SPAG16: variants seen among roughly 807,000 people sequenced by gnomAD.
SPAG16 encodes sperm-associated antigen 16 protein.
In SPAG16, 86 loss-of-function variants were observed where a neutral mutation model predicts 80.4. The ratio of observed to expected loss-of-function variants is 1.07; its 90% CI spans 0.90 to 1.28. SPAG16 has a LOEUF of 1.28. SPAG16 is among the 50% of genes most tolerant of loss of function. The probability of loss-of-function intolerance (pLI) is 0.00; values close to 1 mark genes in which losing one functional copy is unlikely to be tolerated. For missense variants in SPAG16, 870 were observed against 765.3 expected, an observed-to-expected ratio of 1.14 and a Z score of -1.61; for synonymous variants, 294 against 265.9, an observed-to-expected ratio of 1.11 and a Z score of -1.03.
intron 10 of SPAG16, among the ~76,000 whole-genome samples, chr2:213,609,133 C>G (rs2061361450): frequency 6.6e-6 from 1 of 152,116 alleles, no homozygotes; most frequent in African/African-American, 2.4e-5. Context: ...GACTTCAAAA[C>G]AAAAATGAAG....
chr2:213,393,864 G>T (rs576586087), intron 9 of SPAG16, among the ~76,000 whole-genome samples: 4 of 152,086 alleles, frequency 2.6e-5, no homozygotes, highest in African/African-American at 9.6e-5. Context: ...AATTGAACGT[G>T]TTCTTTTTCA....
chr2:214,332,446 C>A (rs984815163), intron 15 of SPAG16, among the ~76,000 whole-genome samples: 1 of 152,172 alleles, frequency 6.6e-6, no homozygotes, highest in African/African-American at 2.4e-5. Context: ...TGTCAAACGG[C>A]TAAGTCAATC....
intron 6 of SPAG16, among the ~76,000 whole-genome samples, chr2:213,347,496 C>A (rs1267094958): frequency 6.6e-6 from 1 of 152,166 alleles, no homozygotes; most frequent in Non-Finnish European, 1.5e-5. Context: ...AATTTTAGAT[C>A]TTTCCTGCTT....
intron 12 of SPAG16, among the ~76,000 whole-genome samples, chr2:213,971,427 A>G (rs538932497): frequency 2.0e-5 from 3 of 152,270 alleles, no homozygotes; most frequent in East Asian, 3.9e-4. Context: ...CCATCTTTTG[A>G]TTATATAAAT....
intron 10 of SPAG16, among the ~76,000 whole-genome samples, chr2:213,525,115 A>G (rs982351972): frequency 6.6e-6 from 1 of 151,968 alleles, no homozygotes; most frequent in African/African-American, 2.4e-5. Context: ...GTGTTCTTAC[A>G]ACATCTGATG....
At chr2:213,464,408 T>A (rs1178676798) in intron 9 of SPAG16, among the ~76,000 whole-genome samples, 1 of 152,194 alleles carries the variant, frequency 6.6e-6, no homozygotes, top group East Asian at 1.9e-4. Context: ...ACCTAGTGCC[T>A]TTGAGTCCCC....
At chr2:213,904,859 G>A (rs991329128) in intron 11 of SPAG16, among the ~76,000 whole-genome samples, 1 of 152,084 alleles carries the variant, frequency 6.6e-6, no homozygotes, top group Admixed American at 6.6e-5. Flanking sequence ...TGGGTGGTAG[G>A]CAGATTGGGC....
chr2:213,349,077 C>T (rs978847496), intron 6 of SPAG16, among the ~76,000 whole-genome samples: 2 of 152,048 alleles, frequency 1.3e-5, no homozygotes, highest in Non-Finnish European at 2.9e-5. Flanking sequence ...GGGGATTTCT[C>T]AAATATTTGG....
chr2:213,945,304 A>ATTGT (rs2079398245), intron 12 of SPAG16, among the ~76,000 whole-genome samples: 2 of 148,290 alleles, frequency 1.3e-5, no homozygotes, highest in East Asian at 4.0e-4. Flanking sequence ...TATATACACA[A>ATTGT]GTATATATAT....
chr2:214,310,666 C>T (rs1254891401), intron 15 of SPAG16, among the ~76,000 whole-genome samples: 1 of 152,124 alleles, frequency 6.6e-6, no homozygotes, highest in Non-Finnish European at 1.5e-5. Context: ...AGCTCCCCAT[C>T]CTGGGAAGTC....
intron 15 of SPAG16, among the ~76,000 whole-genome samples, chr2:214,318,456 G>A (rs995834470): frequency 1.5e-5 from 2 of 136,160 alleles, no homozygotes; most frequent in Non-Finnish European, 3.1e-5. Context: ...ATCTCAGCTC[G>A]CTGCAACCTC....
chr2:213,957,945 A>T (rs944189608), intron 12 of SPAG16, among the ~76,000 whole-genome samples: 1 of 152,216 alleles, frequency 6.6e-6, no homozygotes, highest in Non-Finnish European at 1.5e-5. Flanking sequence ...GAGGAGTATT[A>T]GATTGAGATT....
At chr2:213,963,810 G>T (rs1302776158) in intron 12 of SPAG16, among the ~76,000 whole-genome samples, 1 of 151,996 alleles carries the variant, frequency 6.6e-6, no homozygotes, top group African/African-American at 2.4e-5. Context: ...TGGTTTATAG[G>T]TTTATTTTGC....
chr2:213,395,656 C>G (rs1174868702), intron 9 of SPAG16, among the ~76,000 whole-genome samples: 1 of 152,160 alleles, frequency 6.6e-6, no homozygotes, highest in Non-Finnish European at 1.5e-5. Flanking sequence ...TATCATTATG[C>G]TCTTCCTCCA....
intron 15 of SPAG16, among the ~76,000 whole-genome samples, chr2:214,179,924 T>A (rs1443477344): frequency 6.6e-6 from 1 of 151,540 alleles, no homozygotes; most frequent in Non-Finnish European, 1.5e-5. Context: ...ATGTAAATGG[T>A]GTTAGAATAG....
chr2:213,626,990 C>T (rs1045269662), intron 10 of SPAG16, among the ~76,000 whole-genome samples: 2 of 152,100 alleles, frequency 1.3e-5, no homozygotes, highest in South Asian at 2.1e-4. Flanking sequence ...GACAAAAGCA[C>T]ACAAAAGTCA....
chr2:214,364,952 C>T (rs958797018), intron 15 of SPAG16, among the ~76,000 whole-genome samples: 12 of 151,976 alleles, frequency 7.9e-5, no homozygotes, highest in African/African-American at 2.7e-4. Flanking sequence ...TGGTACAAAG[C>T]CTGCAAAGGC....
chr2:213,736,685 G>A (rs1288945358), intron 10 of SPAG16, among the ~76,000 whole-genome samples: 1 of 148,764 alleles, frequency 6.7e-6, no homozygotes, highest in Non-Finnish European at 1.5e-5. Flanking sequence ...TCTAATTGAT[G>A]TGTGCATATA....
At chr2:213,292,878 A>G (rs2062350701) in intron 1 of SPAG16, among the ~76,000 whole-genome samples, 1 of 152,148 alleles carries the variant, frequency 6.6e-6, no homozygotes, top group East Asian at 1.9e-4. Context: ...ATCATTTACT[A>G]TAAGCCAGGC....
Sources: allele counts gnomAD v4.1 joint callset (sites outside exome capture counted in the v4.1 genomes callset), GRCh38; gene constraint gnomAD v4.1.1; transcripts MANE v1.5; gene names NCBI Gene and HGNC (gene_info 2026-07-23, HGNC 2026-07-21).